PKIA: variants seen among roughly 807,000 people sequenced by gnomAD.
The protein encoded by PKIA is PKI-alpha.
PKIA carries 4 observed loss-of-function variants against 7.6 expected under a neutral mutation model. That is an observed-to-expected ratio of 0.52 (90% CI 0.26 to 1.20). PKIA has a LOEUF of 1.20. PKIA is among the 50% of genes most tolerant of loss of function. The pLI is 0.13. For synonymous variants in PKIA, 21 were observed against 30.7 expected (o/e 0.68, Z 1.04); for missense variants, 73 against 86.2 (o/e 0.85, Z 0.61).
intron 1 of PKIA, among the ~76,000 whole-genome samples, chr8:78,569,415 G>A (rs1585907559): frequency 6.6e-6 from 1 of 152,056 alleles, no homozygotes; most frequent in Non-Finnish European, 1.5e-5. Flanking sequence ...TCTGCAGTAA[G>A]GCCATGTGAG....
rs190875758 is a variant in PKIA at position 78,583,273 on chromosome 8, G to A, written c.-28+10334G>A. On this transcript the variant is annotated intron_variant, in intron 2 of 3. Coordinates refer to ENST00000396418, the MANE Select transcript of PKIA (RefSeq NM_006823.4). Reference sequence around the variant, plus strand: ...TAGTTTGAGAACCCACATTTTGGAGGCATGAAAACTGAAGTGCAGAGAAAT... The same window carrying A: ...TAGTTTGAGAACCCACATTTTGGAGACATGAAAACTGAAGTGCAGAGAAAT... Among the ~76,000 whole-genome samples the A allele has an allele frequency of 4.5e-4, 68 of 152,230 alleles. 1 individual carries two copies. Among genetic ancestry groups the A allele is most frequent in the African/African-American group, 1.5e-3 (63 of 41,546 alleles).
At chr8:78,587,481 C>A (rs1485899036) in intron 2 of PKIA, among the ~76,000 whole-genome samples, 1 of 152,116 alleles carries the variant, frequency 6.6e-6, no homozygotes. Context: ...TTGTCACTTG[C>A]CAACCAGCAG....
intron 1 of PKIA, among the ~76,000 whole-genome samples, chr8:78,543,948 G>C (rs1410067282): frequency 6.6e-6 from 1 of 152,086 alleles, no homozygotes; most frequent in African/African-American, 2.4e-5. Context: ...CTGTGCTGCT[G>C]TCGAACTCCA....
chr8:78,528,846 G>C (rs1040042482), intron 1 of PKIA, among the ~76,000 whole-genome samples: 2 of 151,328 alleles, frequency 1.3e-5, no homozygotes, highest in South Asian at 2.1e-4. Context: ...ACAAATATTT[G>C]TGACATTTCT....
At chr8:78,550,968 T>C (rs2118467470) in intron 1 of PKIA, among the ~76,000 whole-genome samples, 2 of 152,190 alleles carry the variant, frequency 1.3e-5, no homozygotes, top group Middle Eastern at 6.8e-3. Context: ...AGATTTTATC[T>C]GGATGAATTG....
chr8:78,577,089 T>A (rs1330656201), intron 2 of PKIA, among the ~76,000 whole-genome samples: 1 of 151,892 alleles, frequency 6.6e-6, no homozygotes, highest in African/African-American at 2.4e-5. Flanking sequence ...AAGGAGAAAA[T>A]CAAATACCAT....
intron 1 of PKIA, among the ~76,000 whole-genome samples, chr8:78,519,097 A>C (rs1316068565): frequency 6.6e-6 from 1 of 152,106 alleles, no homozygotes; most frequent in Non-Finnish European, 1.5e-5. Context: ...TAGATGCTAA[A>C]TGATTAGATA....
intron 1 of PKIA, among the ~76,000 whole-genome samples, chr8:78,543,506 C>T (rs1476741947): frequency 1.3e-5 from 2 of 152,240 alleles, no homozygotes; most frequent in Non-Finnish European, 2.9e-5. Flanking sequence ...TTCTCATACT[C>T]TGTTTTTTCT....
chr8:78,564,270 T>C (rs1807355098), intron 1 of PKIA, among the ~76,000 whole-genome samples: 1 of 152,020 alleles, frequency 6.6e-6, no homozygotes, highest in Non-Finnish European at 1.5e-5. Context: ...GGAAGCCCAT[T>C]TGTGGTTGGT....
intron 1 of PKIA, among the ~76,000 whole-genome samples, chr8:78,527,779 C>G (rs1023197248): frequency 4.6e-5 from 7 of 151,814 alleles, no homozygotes; most frequent in African/African-American, 1.7e-4. Context: ...AAAAATGCAC[C>G]TGTTTCATTT....
chr8:78,571,986 G>A (rs545340116), intron 1 of PKIA, among the ~76,000 whole-genome samples: 6 of 151,448 alleles, frequency 4.0e-5, no homozygotes, highest in Non-Finnish European at 7.4e-5. Context: ...CATGTCATTT[G>A]TTTTCCATAA....
intron 1 of PKIA, among the ~76,000 whole-genome samples, chr8:78,559,064 G>A (rs1164182621): frequency 6.6e-6 from 1 of 152,130 alleles, no homozygotes; most frequent in African/African-American, 2.4e-5. Context: ...TGGAATAACA[G>A]GCATGCGCCA....
chr8:78,545,706 A>T (rs1320675137), intron 1 of PKIA, among the ~76,000 whole-genome samples: 2 of 152,176 alleles, frequency 1.3e-5, no homozygotes, highest in African/African-American at 4.8e-5. Context: ...GTCAAGGGAG[A>T]TTTAAAGTAT....
intron 1 of PKIA, among the ~76,000 whole-genome samples, chr8:78,521,324 A>T (rs1206374361): frequency 1.3e-5 from 2 of 152,104 alleles, no homozygotes; most frequent in African/African-American, 4.8e-5. Flanking sequence ...GGAAAGAATG[A>T]TAATTTATGT....
intron 1 of PKIA, among the ~76,000 whole-genome samples, chr8:78,550,043 A>T (rs184784873): frequency 6.6e-6 from 1 of 152,230 alleles, no homozygotes; most frequent in Non-Finnish European, 1.5e-5. Flanking sequence ...CTTGTATAAA[A>T]TCTGAATGCA....
At chr8:78,548,307 G>C (rs1806885988) in intron 1 of PKIA, among the ~76,000 whole-genome samples, 3 of 152,020 alleles carry the variant, frequency 2.0e-5, no homozygotes, top group Admixed American at 2.0e-4. Context: ...TTCCAGTCAT[G>C]ATCTCCTAGT....
At chr8:78,560,499 TTC>T (rs1444101954) in intron 1 of PKIA, among the ~76,000 whole-genome samples, 1 of 152,232 alleles carries the variant, frequency 6.6e-6, no homozygotes, top group Non-Finnish European at 1.5e-5. Context: ...AGCTTAGCTA[TTC>T]TCTTGAGTAA....
chr8:78,517,828 A>C (rs1245554314), intron 1 of PKIA, among the ~76,000 whole-genome samples: 2 of 152,208 alleles, frequency 1.3e-5, no homozygotes, highest in Non-Finnish European at 2.9e-5. Context: ...AACAGAGAAC[A>C]GTTGCAATAA....
At chr8:78,576,107 A>G (rs1431898646) in intron 2 of PKIA, among the ~76,000 whole-genome samples, 1 of 151,980 alleles carries the variant, frequency 6.6e-6, no homozygotes, top group Non-Finnish European at 1.5e-5. Context: ...TTTAACCTAA[A>G]TGACTTCTTT....
Sources: allele counts gnomAD v4.1 joint callset (sites outside exome capture counted in the v4.1 genomes callset), GRCh38; gene constraint gnomAD v4.1.1; transcripts MANE v1.5; gene names NCBI Gene and HGNC (gene_info 2026-07-23, HGNC 2026-07-21).